FBXO38: variants seen among roughly 807,000 people sequenced by gnomAD.
The protein encoded by FBXO38 is F-box only protein 38.
FBXO38 carries 53 observed loss-of-function variants against 131.9 expected under a neutral mutation model. The ratio of observed to expected loss-of-function variants is 0.40; its 90% confidence interval spans 0.32 to 0.51. The LOEUF (loss-of-function observed/expected upper bound fraction) is 0.51. Among genes scored for constraint, FBXO38 ranks in the 20% least tolerant of loss-of-function variants. The pLI is 0.53. For missense variants in FBXO38, 1,076 were observed against 1,475.6 expected, an observed-to-expected ratio of 0.73 and a Z score of 4.44; for synonymous variants, 452 against 505.6, an observed-to-expected ratio of 0.89 and a Z score of 1.42.
chr5:148,403,804 G>A (rs370057326), intron 5 of FBXO38, among the ~76,000 whole-genome samples: 2 of 152,266 alleles, frequency 1.3e-5, no homozygotes, highest in East Asian at 3.9e-4. Flanking sequence ...TGCTAGCAGA[G>A]CTCCTATTGT....
intron 1 of FBXO38, among the ~76,000 whole-genome samples, chr5:148,387,693 T>TC (rs895578320): frequency 1.8e-4 from 26 of 146,272 alleles, no homozygotes; most frequent in African/African-American, 4.8e-4. Flanking sequence ...TTTATTTCTT[T>TC]TTTTTTTTTT....
rs770649145 is a variant in FBXO38 at position 148,427,290 on chromosome 5, G to A, written c.1996G>A (p.Glu666Lys). ...GGGCCAGTCGAAGCAGTTTCCCCTC[G>A]AGGAAAGCAGCTGTGAGAAAGGCTG... ...QMGQSKQFPL[E>K]ESSCEKGCQV... Residue 666 changes from glutamate to lysine, a missense_variant, in exon 15 of 22, where the codon GAG becomes AAG. Physicochemically the swap from Glu to Lys is moderately conservative, Grantham distance 56. Around this residue, in one of 8 missense-constraint regions of FBXO38, gnomAD observed 212 missense variants for 221.2 expected, o/e 0.96. Coordinates refer to ENST00000340253, the MANE Select transcript of FBXO38 (RefSeq NM_205836.3). 1.2e-5 allele frequency: 19 copies of A among 1,613,966 alleles called. No individual in the cohort carries two copies. The highest frequency in any genetic ancestry group is 5.3e-5 in the African/African-American group (4 of 74,900).
intron 13 of FBXO38, among the ~76,000 whole-genome samples, chr5:148,425,003 T>G (rs1489600397): frequency 6.6e-6 from 1 of 152,220 alleles, no homozygotes; most frequent in African/African-American, 2.4e-5. Flanking sequence ...AACCAAAATG[T>G]AACATGCGTC....
intron 18 of FBXO38, 107 bp from the exon 19 acceptor site, chr5:148,439,540 A>G: frequency 2.9e-6 from 3 of 1,033,460 alleles, no homozygotes; most frequent in Middle Eastern, 2.2e-4. Context: ...CAAATCAGCC[A>G]GAGATTTCAA....
intron 17 of FBXO38, chr5:148,434,300 T>G (rs1278233854): frequency 6.6e-6 from 1 of 152,164 alleles, no homozygotes; most frequent in African/African-American, 2.4e-5. Context: ...CTTTTATGTC[T>G]TTCTTTATAT....
At chr5:148,437,784 A>G (rs1361048162) in intron 17 of FBXO38, among the ~76,000 whole-genome samples, 2 of 152,244 alleles carry the variant, frequency 1.3e-5, no homozygotes, top group African/African-American at 4.8e-5. Flanking sequence ...GCATTTCAAT[A>G]GAACTTTAAT....
rs771100934 is a variant in FBXO38, at chr5:148,441,124, G to C, written c.3275G>C (p.Gly1092Ala). 2 of 1,611,636 alleles carry C rather than the reference G, an allele frequency of 1.2e-6. No individual in the cohort carries two copies. Among genetic ancestry groups the C allele is most frequent in the Non-Finnish European group, 1.7e-6 (2 of 1,177,842 alleles). Residue 1092 changes from glycine to alanine, a missense_variant and splice_region_variant, in exon 21 of 22, where the codon GGT (glycine) becomes GCT (alanine). By Grantham distance (60) the Gly-to-Ala change is moderately conservative (BLOSUM62 0). This residue lies in a region of FBXO38 where 282 missense variants were observed against 418.8 expected (regional missense o/e 0.67). Transcript: ENST00000340253. ...PWGREIYTLE[G>A]VVDGAPYSMI... ...TAGCAATGTTACATTTGTCTTTTAG[G>C]TGTTGTGGATGGAGCTCCATATTCC...
At chr5:148,439,287 A>G (rs1754534731) in intron 18 of FBXO38, among the ~76,000 whole-genome samples, 1 of 152,228 alleles carries the variant, frequency 6.6e-6, no homozygotes, top group South Asian at 2.1e-4. Context: ...TCTCATTTGA[A>G]TAGGGTATAT....
At chr5:148,410,579 C>A (rs1752692963) in intron 8 of FBXO38, 56 bp from the exon 9 acceptor site, 1 of 1,596,712 alleles carries the variant, frequency 6.3e-7, no homozygotes, top group African/African-American at 1.4e-5. Context: ...TAGGAGGAAT[C>A]TTTGATTCTG....
At chr5:148,416,152 T>C in intron 11 of FBXO38, 82 bp downstream of exon 11, 2 of 1,348,134 alleles carry the variant, frequency 1.5e-6, no homozygotes, top group Non-Finnish European at 2.0e-6. Context: ...TTTTTTTTCT[T>C]TTCAATGATA....
At chr5:148,392,024 A>T (rs1758221139) in intron 1 of FBXO38, among the ~76,000 whole-genome samples, 2 of 152,096 alleles carry the variant, frequency 1.3e-5, no homozygotes, top group South Asian at 4.1e-4. Context: ...TGCTTTTTTC[A>T]CTTAACACTA....
chr5:148,427,511 T>C lies in FBXO38; in HGVS notation c.2217T>C (p.Pro739=). The change falls in exon 15 of 22, where the codon CCT becomes CCC. Residue 739 remains proline (P), a synonymous_variant. Coordinates refer to ENST00000340253, the MANE Select transcript of FBXO38 (RefSeq NM_205836.3). ...TGAACAGCGGCGGCTCTTCCGAGCC[T>C]AGCCCTACAGAAGTGGATGTGTCCA... ...RTVNSGGSSE[P]SPTEVDVSRQ... The C allele has an allele frequency of 2.5e-6, 4 of 1,614,196 alleles. No homozygotes were observed. Among genetic ancestry groups the C allele is most frequent in the South Asian group, 1.1e-5 (1 of 91,086 alleles).
chr5:148,404,631 A>G (rs1752337302), intron 5 of FBXO38, 54 bp from the exon 6 acceptor site: 3 of 1,459,122 alleles, frequency 2.1e-6, no homozygotes, highest in East Asian at 2.5e-5. Context: ...AGCAAAATAT[A>G]GTATATTTTT....
intron 7 of FBXO38, among the ~76,000 whole-genome samples, chr5:148,408,288 A>G (rs1044522150): frequency 6.6e-6 from 1 of 152,246 alleles, no homozygotes. Context: ...TGGTCAGAAT[A>G]TAAATTCATA....
At chr5:148,428,862 A>C (rs571267943) in intron 15 of FBXO38, among the ~76,000 whole-genome samples, 1 of 152,368 alleles carries the variant, frequency 6.6e-6, no homozygotes, top group South Asian at 2.1e-4. Flanking sequence ...TCATTGAAAT[A>C]TATGAGTTTT....
intron 1 of FBXO38, among the ~76,000 whole-genome samples, chr5:148,394,266 A>G (rs1483220853): frequency 6.6e-6 from 1 of 152,206 alleles, no homozygotes; most frequent in African/African-American, 2.4e-5. Flanking sequence ...GGGCAGAATC[A>G]AGATTAGAAC....
Position 148,433,341 on chromosome 5 carries a change from G to A in FBXO38, c.2654-83G>A, listed in dbSNP as rs1581296814. 7 of 908,148 alleles carry A rather than the reference G, an allele frequency of 7.7e-6. No individual in the cohort carries two copies. The East Asian group carries it at 1.5e-4, about 19-fold the overall frequency. 56.3% of individuals were successfully genotyped at this position (908,148 alleles called of 1,614,324 possible). ...TAGATTTGGGAATTACCTTGATTAT[G>A]TTCATACGTATGTGATTGAATGTGC... On this transcript the variant is annotated intron_variant, in intron 15 of 21. Coordinates refer to ENST00000340253, the MANE Select transcript of FBXO38 (RefSeq NM_205836.3).
At chr5:148,402,273 G>A (rs1450114968) in intron 4 of FBXO38, 75 bp from the exon 5 acceptor site, 1 of 1,543,900 alleles carries the variant, frequency 6.5e-7, no homozygotes, top group East Asian at 2.3e-5. Flanking sequence ...TGTGTACTTA[G>A]CATCTTGTGG....
At chr5:148,425,497 T>C (rs1184100170) in intron 13 of FBXO38, 25 bp from the exon 14 acceptor site, 6 of 1,593,600 alleles carry the variant, frequency 3.8e-6, no homozygotes, top group Non-Finnish European at 5.2e-6. Context: ...AAAAAGTAAC[T>C]GTTAGGCCTG....
Sources: allele counts gnomAD v4.1 joint callset (sites outside exome capture counted in the v4.1 genomes callset), GRCh38; gene constraint gnomAD v4.1.1; regional missense constraint gnomAD v4.1.1; transcripts MANE v1.5; gene names NCBI Gene and HGNC (gene_info 2026-07-23, HGNC 2026-07-21).